Variants in CMYA5 observed in about 807,000 individuals in gnomAD.
CMYA5 encodes cardiomyopathy associated 5.
A neutral mutation model predicts 318.9 loss-of-function variants in CMYA5; 246 were observed. That is an observed-to-expected ratio of 0.77 (90% CI 0.70 to 0.86). The LOEUF (loss-of-function observed/expected upper bound fraction) is 0.86, where lower values mean the gene tolerates loss of function less well. Among genes scored for constraint, CMYA5 ranks in the 40% least tolerant of loss-of-function variants. The probability of loss-of-function intolerance (pLI) is 0.00; values close to 1 mark genes in which losing one functional copy is unlikely to be tolerated. For missense variants in CMYA5, 4,589 were observed against 4,678.2 expected, an observed-to-expected ratio of 0.98 and a Z score of 0.56; for synonymous variants, 1,641 against 1,729.5, an observed-to-expected ratio of 0.95 and a Z score of 1.27.
rs200715392 is a variant in CMYA5 at position 79,742,048 on chromosome 5, C to CTCTTCTTCTTCTTCTTCTTCT, written c.10639-1747_10639-1727dup. Among the ~76,000 whole-genome samples, 39 of 102,522 alleles carry CTCTTCTTCTTCTTCTTCTTCT rather than the reference C, an allele frequency of 3.8e-4. 1 individual carries two copies. The highest frequency in any genetic ancestry group is 1.7e-3 in the African/African-American group (34 of 20,088). The allele number at this position is 102,522 out of a possible 152,430, so 67.3% of individuals were successfully genotyped here. On this transcript the variant is annotated intron_variant, in intron 2 of 12. Transcript: ENST00000446378. ...TTCCTCCTCCTCCTCCCTCTTTCTC[C>CTCTTCTTCTTCTTCTTCTTCT]TCTTCTTCTTCTTCTTCTTCTTCTT... is the stretch of plus-strand genomic sequence containing the variant.
In CMYA5 at chr5:79,739,375, C is replaced by T. The variant is rs575546411; in HGVS notation, c.10610C>T (p.Thr3537Met). 2.4e-5 allele frequency: 37 copies of T among 1,551,958 alleles called. No homozygotes were observed. Among genetic ancestry groups the T allele is most frequent in the East Asian group, 1.7e-4 (7 of 41,280 alleles). ...FGTHKDHEVS[T>M]LDTAISAVKV... is the part of the protein sequence containing the mutation. ...ACCCACAAAGACCATGAAGTTTCAA[C>T]GCTTGACACAGCTATAAGTGCTGTA... is the stretch of plus-strand genomic sequence containing the variant. Residue 3537 changes from threonine (T) to methionine (M), a missense_variant, in exon 2 of 13, where the codon ACG becomes ATG. Coordinates refer to ENST00000446378, the MANE Select transcript of CMYA5 (RefSeq NM_153610.5).
intron 6 of CMYA5, among the ~76,000 whole-genome samples, chr5:79,754,743 T>C (rs7732920): frequency 6.6e-6 from 1 of 152,154 alleles, no homozygotes; most frequent in African/African-American, 2.4e-5. Flanking sequence ...GACATTCACA[T>C]TGTGGTACAA....
At position 79,730,618 on chromosome 5, in the gene CMYA5, C is replaced by T. The variant is rs1242858394; in HGVS notation, c.1853C>T (p.Pro618Leu). 6.2e-7 allele frequency: 1 copy of T among 1,613,894 alleles called. No homozygotes were observed. Among genetic ancestry groups the T allele is most frequent in the African/African-American group, 1.3e-5 (1 of 74,926 alleles). ...GAGCAAGAAGGTGAGCCAGTTCCCC[C>T]ATCCAATGTAGAAGCTATAGCTGAA... ...LQEQEGEPVPPSNVEAIAEHA... is the reference protein window; with the variant it reads ...LQEQEGEPVPLSNVEAIAEHA... Residue 618 changes from proline (P) to leucine (L), a missense_variant, in exon 2 of 13, where the codon CCA (proline) becomes CTA (leucine). Physicochemically the swap from Pro to Leu is moderately conservative, Grantham distance 98. Around this residue, in one of 3 missense-constraint regions of CMYA5, gnomAD observed 2,132 missense variants for 2,131.3 expected, o/e 1.00. Transcript: ENST00000446378.
chr5:79,737,323 C>T lies in CMYA5; in HGVS notation c.8558C>T (p.Thr2853Ile), dbSNP rs1238547797. 6.2e-7 allele frequency: 1 copy of T among 1,613,706 alleles called. No individual in the cohort carries two copies. ...AGGCATACAGTTCATACTATTCAGA[C>T]ATCTAAAGATGACACATCCGATGTG... ...PERHTVHTIQ[T>I]SKDDTSDVPK... Residue 2853 changes from threonine (T) to isoleucine (I), a missense_variant, in exon 2 of 13, where the codon ACA (threonine) becomes ATA (isoleucine). By Grantham distance (89) the Thr-to-Ile change is moderately conservative (BLOSUM62 -1). Transcript: ENST00000446378.
Position 79,735,631 on chromosome 5 carries a change from A to G in CMYA5, c.6866A>G (p.Tyr2289Cys). ...ATTTCTGAGGTGTCTAGGGAAGATT[A>G]TGGAAAAAAAGAAATCTCAGGCGAT... Reference protein sequence around the residue: ...KFISEVSREDYGKKEISGDSE... With the variant: ...KFISEVSREDCGKKEISGDSE... Residue 2289 changes from tyrosine (Y) to cysteine (C), a missense_variant, in exon 2 of 13, where the codon TAT (tyrosine) becomes TGT (cysteine). Around this residue, in one of 3 missense-constraint regions of CMYA5, gnomAD observed 2,431 missense variants for 2,495.1 expected, o/e 0.97. Transcript: ENST00000446378. The G allele has an allele frequency of 1.2e-6, 2 of 1,613,570 alleles. No homozygotes were observed. The highest frequency in any genetic ancestry group is 1.1e-5 in the South Asian group (1 of 90,970).
At position 79,731,299 on chromosome 5, in the gene CMYA5, C is replaced by T. The variant is rs745604660; in HGVS notation, c.2534C>T (p.Ser845Phe). Residue 845 changes from serine (S) to phenylalanine (F), a missense_variant, in exon 2 of 13, where the codon TCC (serine) becomes TTC (phenylalanine). By Grantham distance (155) the Ser-to-Phe change is radical (BLOSUM62 -2). This residue lies in a region of CMYA5 where 2,132 missense variants were observed against 2,131.3 expected (regional missense o/e 1.00). Coordinates refer to ENST00000446378, the MANE Select transcript of CMYA5 (RefSeq NM_153610.5). ...GGCAAGGAGGTCATTGGACCATCTT[C>T]CCCAGATTTGGTTGTTGCATCTGAA... ...VDGKEVIGPS[S>F]PDLVVASEHS... 57 of 1,613,710 alleles carry T rather than the reference C, an allele frequency of 3.5e-5. No individual in the cohort carries two copies. The highest frequency in any genetic ancestry group is 4.7e-5 in the Non-Finnish European group (56 of 1,179,840).
At chr5:79,756,934 G>A (rs1024203972) in intron 6 of CMYA5, among the ~76,000 whole-genome samples, 1 of 152,168 alleles carries the variant, frequency 6.6e-6, no homozygotes, top group East Asian at 1.9e-4. Flanking sequence ...GCTCATGCCT[G>A]TAATCCCAGC....
intron 1 of CMYA5, among the ~76,000 whole-genome samples, chr5:79,716,675 T>C (rs1827523605): frequency 6.6e-6 from 1 of 152,286 alleles, no homozygotes; most frequent in South Asian, 2.1e-4. Flanking sequence ...CTTGTATAGA[T>C]GACACAGGAA....
chr5:79,742,069 TTC>T lies in CMYA5; in HGVS notation c.10639-1756_10639-1755del, dbSNP rs1178848011. Among the ~76,000 whole-genome samples the T allele has an allele frequency of 4.0e-4, 18 of 44,588 alleles. 2 individuals are homozygous for T. The highest frequency in any genetic ancestry group is 0.012 in the Middle Eastern group (1 of 86). The allele number at this position is 44,588 out of a possible 152,430, so 29.3% of individuals were successfully genotyped here. On this transcript the variant is annotated intron_variant, in intron 2 of 12. Coordinates refer to ENST00000446378, the MANE Select transcript of CMYA5 (RefSeq NM_153610.5). ...TCTCCTCTTCTTCTTCTTCTTCTTC[TTC>T]TTCTTCTTCTTCTTCTTCTTCTTCT...
intron 1 of CMYA5, among the ~76,000 whole-genome samples, chr5:79,714,184 A>C (rs567706779): frequency 2.0e-5 from 3 of 152,240 alleles, no homozygotes; most frequent in Non-Finnish European, 4.4e-5. Context: ...CAGACACACC[A>C]TGTGGTTTCA....
chr5:79,788,462 G>A (rs913464384), intron 9 of CMYA5, among the ~76,000 whole-genome samples: 2 of 124,498 alleles, frequency 1.6e-5, no homozygotes, highest in Non-Finnish European at 3.2e-5. Flanking sequence ...CAGCAACTTT[G>A]AGAATTTTTT....
At chr5:79,699,239 A>G (rs1040596277) in intron 1 of CMYA5, among the ~76,000 whole-genome samples, 5 of 152,212 alleles carry the variant, frequency 3.3e-5, no homozygotes, top group Admixed American at 2.6e-4. Context: ...GGGTTTCACT[A>G]TAACATTTTA....
intron 1 of CMYA5, among the ~76,000 whole-genome samples, chr5:79,693,600 C>T (rs929762469): frequency 5.3e-5 from 8 of 152,198 alleles, no homozygotes; most frequent in Non-Finnish European, 1.2e-4. Context: ...CCTCCAGCCT[C>T]CCAAAATCCT....
Position 79,689,927 on chromosome 5 carries a change from A to G in CMYA5, c.20A>G (p.Asn7Ser). 2 of 940,156 alleles carry G rather than the reference A, an allele frequency of 2.1e-6. No individual in the cohort carries two copies. Among genetic ancestry groups the G allele is most frequent in the African/African-American group, 1.7e-5 (1 of 59,782 alleles). The allele number at this position is 940,156 out of a possible 1,614,324, so 58.2% of individuals were successfully genotyped here. A position where few individuals can be genotyped will look rare whatever the true frequency, so the allele number is the denominator to read the frequency against. The change falls in exon 1 of 13, where the codon AAC (asparagine) becomes AGC (serine). Residue 7 changes from asparagine to serine, a missense_variant. Coordinates refer to ENST00000446378, the MANE Select transcript of CMYA5 (RefSeq NM_153610.5). Reference sequence around the variant, plus strand: ...GAGGCGATGGCGAGCCGCGATAGCAACCACGCTGGCGAGAGCTTTCTCGGC... The same window carrying G: ...GAGGCGATGGCGAGCCGCGATAGCAGCCACGCTGGCGAGAGCTTTCTCGGC... MASRDS[N>S]HAGESFLGSD...
chr5:79,799,511 G>T lies in CMYA5; in HGVS notation c.12105G>T (p.Arg4035Ser). ...GCGAGCAGTTGCTCTTCATCATCAG[G>T]CACAGGTTTAATGAGGGTGTCCACC... ...AESEQLLFII[R>S]HRFNEGVHPA... Residue 4035 changes from arginine to serine, a missense_variant, in exon 13 of 13, where the codon AGG becomes AGT. Arg to Ser is a moderately radical substitution (Grantham distance 110). This residue lies in a region of CMYA5 where 2,431 missense variants were observed against 2,495.1 expected (regional missense o/e 0.97). Coordinates refer to ENST00000446378, the MANE Select transcript of CMYA5 (RefSeq NM_153610.5). 6.2e-7 allele frequency: 1 copy of T among 1,613,998 alleles called. No individual in the cohort carries two copies. The highest frequency in any genetic ancestry group is 8.5e-7 in the Non-Finnish European group (1 of 1,179,890).
At chr5:79,727,620 C>T (rs186898491) in intron 1 of CMYA5, among the ~76,000 whole-genome samples, 5 of 152,242 alleles carry the variant, frequency 3.3e-5, no homozygotes, top group Admixed American at 2.0e-4. Context: ...TGATGGCAAA[C>T]GCGGCTGCTG....
chr5:79,750,658 A>G (rs1828412580), intron 5 of CMYA5, among the ~76,000 whole-genome samples: 1 of 152,228 alleles, frequency 6.6e-6, no homozygotes, highest in Non-Finnish European at 1.5e-5. Flanking sequence ...GCATATTTAG[A>G]CTAAACATTT....
In CMYA5 at chr5:79,731,793, C is replaced by A; in HGVS notation, c.3028C>A (p.Pro1010Thr). ...CTCAGCATCACAAGTTTCAATCCCT[C>A]CCTTTAGAATCTCAGAAACAGAGAA... is the stretch of plus-strand genomic sequence containing the variant. ...PDSASQVSIP[P>T]FRISETEKNE... The change falls in exon 2 of 13, where the codon CCC becomes ACC. Residue 1010 changes from proline to threonine, a missense_variant. Transcript: ENST00000446378. The A allele has an allele frequency of 6.2e-7, 1 of 1,613,050 alleles. No individual in the cohort carries two copies. Among genetic ancestry groups the A allele is most frequent in the Non-Finnish European group, 8.5e-7 (1 of 1,179,568 alleles).
At chr5:79,786,139 G>T (rs997827444) in intron 9 of CMYA5, among the ~76,000 whole-genome samples, 1 of 152,216 alleles carries the variant, frequency 6.6e-6, no homozygotes, top group Admixed American at 6.5e-5. Context: ...AGGTTGAGAG[G>T]CCTCTGAAGC....
Sources: allele counts gnomAD v4.1 joint callset (sites outside exome capture counted in the v4.1 genomes callset), GRCh38; gene constraint gnomAD v4.1.1; regional missense constraint gnomAD v4.1.1; transcripts MANE v1.5; gene names NCBI Gene and HGNC (gene_info 2026-07-23, HGNC 2026-07-21).